DNM1L: variants seen among roughly 807,000 people sequenced by gnomAD.
The protein encoded by DNM1L is dynamin-1-like protein.
DNM1L carries 33 observed loss-of-function variants against 92.8 expected under a neutral mutation model. The observed-to-expected ratio is 0.36, with a 90% CI of 0.27 to 0.48. The LOEUF is 0.48. Ranked by LOEUF, DNM1L falls within the 20% of genes least tolerant of loss-of-function variation. The probability of loss-of-function intolerance (pLI) is 0.99; values close to 1 mark genes in which losing one functional copy is unlikely to be tolerated. For missense variants in DNM1L, 485 were observed against 888.8 expected, an observed-to-expected ratio of 0.55 and a Z score of 5.78; for synonymous variants, 284 against 305.0, an observed-to-expected ratio of 0.93 and a Z score of 0.72.
chr12:32,695,827 A>G (rs749606700), intron 1 of DNM1L, among the ~76,000 whole-genome samples: 6 of 152,186 alleles, frequency 3.9e-5, no homozygotes, highest in Non-Finnish European at 8.8e-5. Flanking sequence ...TTAGAAATGA[A>G]GACAAATTAG....
intron 9 of DNM1L, among the ~76,000 whole-genome samples, chr12:32,724,217 A>G (rs1953953665): frequency 6.6e-6 from 1 of 152,176 alleles, no homozygotes; most frequent in Admixed American, 6.5e-5. Context: ...ATTTACTACT[A>G]TGCAGTCATA....
At chr12:32,703,251 T>G (rs547702324) in intron 2 of DNM1L, among the ~76,000 whole-genome samples, 103 of 152,272 alleles carry the variant, frequency 6.8e-4, no homozygotes, top group Non-Finnish European at 1.1e-3. Context: ...CACTATGTTT[T>G]GTTGATGTCT....
chr12:32,701,363 C>T, intron 1 of DNM1L, 52 bp from the exon 2 acceptor site: 1 of 1,539,830 alleles, frequency 6.5e-7, no homozygotes, highest in East Asian at 2.3e-5. Context: ...ATTGAATTAA[C>T]AAAAAATGTG....
chr12:32,717,268 A>G (rs1227446815), intron 6 of DNM1L, among the ~76,000 whole-genome samples: 1 of 101,526 alleles, frequency 9.8e-6, no homozygotes, highest in African/African-American at 4.1e-5. Context: ...GTATATATAT[A>G]CTATATATTA....
At chr12:32,711,083 A>G (rs1432328988) in intron 5 of DNM1L, 68 bp downstream of exon 5, 1 of 1,340,726 alleles carries the variant, frequency 7.5e-7, no homozygotes, top group Admixed American at 1.7e-5. Context: ...TATGAGAATA[A>G]TCAGCTTCTT....
chr12:32,731,609 G>A lies in DNM1L; in HGVS notation c.1356+98G>A. The stretch of plus-strand genomic sequence containing the variant: ...AGGAAATGTATAAGATGGGATACAA[G>A]GTAAAATCTGTAGTTCCCTTACCTG... On this transcript the variant is annotated intron_variant, in intron 11 of 19. Coordinates refer to ENST00000549701, the MANE Select transcript of DNM1L (RefSeq NM_012062.5). The surrounding 1 kb of genome is among the most constrained non-coding windows in gnomAD (Gnocchi z 5.1). 1 of 1,477,924 alleles carries A rather than the reference G, an allele frequency of 6.8e-7. No individual in the cohort carries two copies. The highest frequency in any genetic ancestry group is 9.3e-7 in the Non-Finnish European group (1 of 1,075,668). 91.6% of individuals were successfully genotyped at this position (1,477,924 alleles called of 1,614,324 possible). A position where few individuals can be genotyped will look rare whatever the true frequency, so the allele number is the denominator to read the frequency against.
At chr12:32,739,778 G>GA in intron 16 of DNM1L, 1 of 376,836 alleles carries the variant, frequency 2.7e-6, no homozygotes, top group South Asian at 3.3e-5. Flanking sequence ...GGGAGAAGAG[G>GA]AACGATTTTG....
intron 9 of DNM1L, chr12:32,728,164 T>C (rs1282729558): frequency 6.6e-6 from 1 of 152,160 alleles, no homozygotes; most frequent in Non-Finnish European, 1.5e-5. Flanking sequence ...AATAACAAAG[T>C]GAGAAAATTG....
At chr12:32,685,227 G>T (rs951040587) in intron 1 of DNM1L, among the ~76,000 whole-genome samples, 5 of 151,968 alleles carry the variant, frequency 3.3e-5, no homozygotes, top group Non-Finnish European at 7.4e-5. Flanking sequence ...GTGAGCCACC[G>T]CGCCCGGTCA....
At chr12:32,733,562 T>C in intron 12 of DNM1L, 153 bp from the exon 13 acceptor site, 1 of 663,410 alleles carries the variant, frequency 1.5e-6, no homozygotes, top group Non-Finnish European at 2.7e-6. Flanking sequence ...TGGCATAAGA[T>C]TTATCAGTTG....
chr12:32,733,498 G>T (rs1954695776), intron 12 of DNM1L: 1 of 520,208 alleles, frequency 1.9e-6, no homozygotes, highest in Non-Finnish European at 3.4e-6. Flanking sequence ...TCTTAGAAAT[G>T]CAGTTTTAGA....
intron 19 of DNM1L, 75 bp from the exon 20 acceptor site, chr12:32,743,269 TATATTGGAAA>T: frequency 8.3e-7 from 1 of 1,198,724 alleles, no homozygotes; most frequent in Non-Finnish European, 1.2e-6. Context: ...CTACCACATA[TATATTGGAAA>T]AATTACCCTG....
Position 32,744,779 on chromosome 12 carries a change from T to TG in DNM1L, c.*1370dup, listed in dbSNP as rs1955538441. 2.3e-6 allele frequency: 1 copy of TG among 437,406 alleles called. No individual in the cohort carries two copies. The highest frequency in any genetic ancestry group is 4.5e-6 in the Non-Finnish European group (1 of 221,964). 27.1% of individuals were successfully genotyped at this position (437,406 alleles called of 1,614,324 possible). On this transcript the variant is annotated 3_prime_UTR_variant, in exon 20 of 20. Transcript: ENST00000549701. Reference sequence around the variant, plus strand: ...CTCCTTCAGACTTACAGACCTAAGCTGCATTTATGGGGTAGTGATGAGGTT... The same window carrying TG: ...CTCCTTCAGACTTACAGACCTAAGCTGGCATTTATGGGGTAGTGATGAGGTT...
At chr12:32,739,805 T>G (rs928520616) in intron 16 of DNM1L, 1 of 442,114 alleles carries the variant, frequency 2.3e-6, no homozygotes, top group Non-Finnish European at 4.1e-6. Flanking sequence ...TAGCGAATGA[T>G]AAAGAAAAAA....
At chr12:32,737,035 A>C in intron 13 of DNM1L, 70 bp from the exon 14 acceptor site, 1 of 1,545,630 alleles carries the variant, frequency 6.5e-7, no homozygotes, top group Non-Finnish European at 8.9e-7. Context: ...TTCAATTAAC[A>C]TGAACATTTT....
intron 9 of DNM1L, among the ~76,000 whole-genome samples, chr12:32,723,617 C>G (rs1953907496): frequency 6.6e-6 from 1 of 150,754 alleles, no homozygotes. Context: ...TTGCTTGAAC[C>G]CGTGAGGCGG....
In DNM1L at chr12:32,738,118, T is replaced by G. The variant is rs540678332; in HGVS notation, c.1675-146T>G. On this transcript the variant is annotated intron_variant, in intron 15 of 19. Transcript: ENST00000549701. ...TAACAATGCAATGCATAGTTTATAT[T>G]GTTGACATGCTTTTGCTTGCAATAT... 4.5e-6 allele frequency: 5 copies of G among 1,103,214 alleles called. No individual in the cohort carries two copies. The Admixed American group carries it at 1.1e-4, about 24-fold the overall frequency. 68.3% of individuals were successfully genotyped at this position (1,103,214 alleles called of 1,614,324 possible). A position where few individuals can be genotyped will look rare whatever the true frequency, so the allele number is the denominator to read the frequency against.
At chr12:32,737,414 T>C (rs1954967146) in intron 14 of DNM1L, 1 of 466,388 alleles carries the variant, frequency 2.1e-6, no homozygotes, top group Admixed American at 3.6e-5. Flanking sequence ...ATCAAGCTTT[T>C]TAAAAAAATT....
At chr12:32,708,337 A>G (rs533059977) in intron 4 of DNM1L, 113 bp downstream of exon 4, 2 of 679,284 alleles carry the variant, frequency 2.9e-6, no homozygotes, top group South Asian at 1.8e-5. Flanking sequence ...TCTTAGCCAA[A>G]AGGCCGAGAA....
Sources: allele counts gnomAD v4.1 joint callset (sites outside exome capture counted in the v4.1 genomes callset), GRCh38; gene constraint gnomAD v4.1.1; non-coding constraint Gnocchi (gnomAD v3.1); transcripts MANE v1.5; gene names NCBI Gene and HGNC (gene_info 2026-07-23, HGNC 2026-07-21).